The following GPATCH8 variants were observed in gnomAD, a reference collection of about 807,000 sequenced individuals.
GPATCH8 encodes G patch domain-containing protein 8.
GPATCH8 carries 18 observed loss-of-function variants against 118.3 expected under a neutral mutation model. The observed-to-expected ratio is 0.15, with a 90% CI of 0.11 to 0.23. The LOEUF (loss-of-function observed/expected upper bound fraction) is 0.23. Among genes scored for constraint, GPATCH8 ranks in the 10% least tolerant of loss-of-function variants. The pLI, the probability that GPATCH8 is intolerant of heterozygous loss-of-function variation, is 1.00. For missense variants in GPATCH8, 1,631 were observed against 1,873.8 expected (o/e 0.87, Z 2.39); for synonymous variants, 659 against 684.7 (o/e 0.96, Z 0.59).
intron 1 of GPATCH8, among the ~76,000 whole-genome samples, chr17:44,496,711 A>G (rs1203373676): frequency 1.3e-5 from 2 of 152,234 alleles, no homozygotes; most frequent in East Asian, 1.9e-4. Context: ...ATCTGTGTAC[A>G]ATGTCAGAAC....
chr17:44,480,951 G>A (rs1568051724), intron 1 of GPATCH8, among the ~76,000 whole-genome samples: 1 of 151,998 alleles, frequency 6.6e-6, no homozygotes, highest in Non-Finnish European at 1.5e-5. Context: ...CAGTTGTCCA[G>A]GCTGGAATGC....
chr17:44,412,388 T>C (rs2143772878), intron 6 of GPATCH8, among the ~76,000 whole-genome samples: 1 of 152,114 alleles, frequency 6.6e-6, no homozygotes, highest in East Asian at 1.9e-4. Context: ...TCATTTTATT[T>C]TTTATTTCAT....
chr17:44,431,378 G>GAAAAAAAA (rs776468380), intron 5 of GPATCH8, among the ~76,000 whole-genome samples: 1 of 47,796 alleles, frequency 2.1e-5, no homozygotes, highest in African/African-American at 7.0e-5. Context: ...TCTCAAAAAG[G>GAAAAAAAA]AAAAAAAAAA....
chr17:44,503,180 T>A, intron 1 of GPATCH8, 146 bp downstream of exon 1: 2 of 756,328 alleles, frequency 2.6e-6, no homozygotes, highest in South Asian at 3.0e-5. Flanking sequence ...CCGGGAGGCC[T>A]CTTGAGAAAG....
chr17:44,443,803 G>T (rs1056555110), intron 3 of GPATCH8, among the ~76,000 whole-genome samples: 3 of 152,038 alleles, frequency 2.0e-5, no homozygotes, highest in African/African-American at 7.2e-5. Flanking sequence ...TAAGAAGCTG[G>T]GACTACAGGT....
chr17:44,483,966 C>G (rs915809252), intron 1 of GPATCH8, among the ~76,000 whole-genome samples: 2 of 152,014 alleles, frequency 1.3e-5, no homozygotes, highest in East Asian at 1.9e-4. Context: ...TTCAGCGTCC[C>G]GAGTAGCTAG....
intron 1 of GPATCH8, among the ~76,000 whole-genome samples, chr17:44,501,999 C>CTGCAT: frequency 6.6e-6 from 1 of 152,182 alleles, no homozygotes; most frequent in East Asian, 1.9e-4. Flanking sequence ...TTTGGTGAAT[C>CTGCAT]TGCATTATAT....
intron 1 of GPATCH8, among the ~76,000 whole-genome samples, chr17:44,478,714 C>CAA (rs1967971204): frequency 6.6e-6 from 1 of 152,000 alleles, no homozygotes; most frequent in Non-Finnish European, 1.5e-5. Context: ...CTAACAATAA[C>CAA]TATGTACTAC....
chr17:44,398,628 T>G lies in GPATCH8; in HGVS notation c.3449A>C (p.Lys1150Thr), dbSNP rs2048875175. ...GNKPVLPLIG[K>T]LPATRKPNKK... is the part of the protein sequence containing the mutation. ...ATTGGGCTTTCGGGTAGCTGGGAGC[T>G]TCCCTATCAGTGGAAGGACAGGCTT... Residue 1150 changes from lysine (K) to threonine (T), a missense_variant, in exon 8 of 8, where the codon AAG becomes ACG. By Grantham distance (78) the Lys-to-Thr change is moderately conservative (BLOSUM62 -1). Coordinates refer to ENST00000591680, the MANE Select transcript of GPATCH8 (RefSeq NM_001002909.4). The G allele has an allele frequency of 6.5e-7, 1 of 1,545,912 alleles. No individual in the cohort carries two copies. The highest frequency in any genetic ancestry group is 8.7e-7 in the Non-Finnish European group (1 of 1,149,132).
At chr17:44,453,181 G>A (rs769630197) in intron 3 of GPATCH8, among the ~76,000 whole-genome samples, 1 of 152,146 alleles carries the variant, frequency 6.6e-6, no homozygotes, top group Non-Finnish European at 1.5e-5. Context: ...TGATCAAGGT[G>A]TCTTTGGCTT....
intron 1 of GPATCH8, among the ~76,000 whole-genome samples, chr17:44,489,765 T>C (rs1192138997): frequency 6.6e-6 from 1 of 152,182 alleles, no homozygotes; most frequent in Non-Finnish European, 1.5e-5. Flanking sequence ...ATAGTAGTGG[T>C]GATATTTTAT....
rs1040303542 is a variant in GPATCH8, at chr17:44,395,423, T to C, written c.*2145A>G. On this transcript the variant is annotated 3_prime_UTR_variant, in exon 8 of 8. Transcript: ENST00000591680. ...TTTATTTTTACTTTTAAAATCACTA[T>C]TCTGGAAGTTAAAGAAAATGCCCCT... The C allele has an allele frequency of 2.2e-6, 1 of 454,374 alleles. No individual in the cohort carries two copies. Among genetic ancestry groups the C allele is most frequent in the Non-Finnish European group, 4.4e-6 (1 of 226,742 alleles). The allele number at this position is 454,374 out of a possible 1,614,324, so 28.1% of individuals were successfully genotyped here.
chr17:44,430,019 G>C (rs1034895340), intron 5 of GPATCH8, among the ~76,000 whole-genome samples: 1 of 151,984 alleles, frequency 6.6e-6, no homozygotes, highest in African/African-American at 2.4e-5. Flanking sequence ...GAGCAAGACT[G>C]TCTCAACAAA....
intron 5 of GPATCH8, 43 bp from the exon 6 acceptor site, chr17:44,424,535 G>C (rs2050023784): frequency 6.8e-7 from 1 of 1,465,520 alleles, no homozygotes; most frequent in Non-Finnish European, 9.5e-7. Flanking sequence ...AATGAACTTG[G>C]TAAAACTTTA....
intron 1 of GPATCH8, among the ~76,000 whole-genome samples, chr17:44,503,009 T>C (rs1970210001): frequency 6.6e-6 from 1 of 152,144 alleles, no homozygotes; most frequent in South Asian, 2.1e-4. Context: ...AGCCAGCCCT[T>C]CGCCGGCACA....
intron 1 of GPATCH8, among the ~76,000 whole-genome samples, chr17:44,493,054 G>T (rs1414873445): frequency 2.4e-5 from 3 of 124,406 alleles, no homozygotes; most frequent in South Asian, 2.5e-4. Context: ...AAGCCATTAG[G>T]TTTTTTTTTT....
chr17:44,446,260 G>A (rs117986059), intron 3 of GPATCH8, among the ~76,000 whole-genome samples: 8,439 of 151,904 alleles, frequency 0.056, 346 homozygotes, highest in Middle Eastern at 0.095. Context: ...TATTAGTTTC[G>A]TGATCCAAAA....
At chr17:44,472,471 T>A (rs1967362063) in intron 2 of GPATCH8, among the ~76,000 whole-genome samples, 1 of 152,218 alleles carries the variant, frequency 6.6e-6, no homozygotes, top group Non-Finnish European at 1.5e-5. Flanking sequence ...ATATGTTAAA[T>A]ATCATTTAAT....
chr17:44,503,201 A>T (rs983973662), intron 1 of GPATCH8, 125 bp downstream of exon 1: 1 of 839,554 alleles, frequency 1.2e-6, no homozygotes, highest in Admixed American at 2.0e-5. Flanking sequence ...CAGAGACGGG[A>T]GAAGAGCGAG....
Sources: gnomAD v4.1 joint callset for allele counts (sites outside exome capture counted in the v4.1 genomes callset) on GRCh38, gnomAD v4.1.1 for gene constraint, MANE v1.5 for transcripts, NCBI Gene and HGNC (gene_info 2026-07-23, HGNC 2026-07-21) for gene names.